The following TNS1 variants were observed in gnomAD, a reference collection of about 807,000 sequenced individuals.
TNS1 encodes the protein tensin 1.
A neutral mutation model predicts 168.6 loss-of-function variants in TNS1; 62 were observed. The ratio of observed to expected loss-of-function variants is 0.37; its 90% CI spans 0.30 to 0.45. TNS1 has a LOEUF of 0.45. Ranked by LOEUF, TNS1 falls within the 20% of genes least tolerant of loss-of-function variation. The pLI is 1.00. For synonymous variants in TNS1, 934 were observed against 933.2 expected, an observed-to-expected ratio of 1.00 and a Z score of -0.02; for missense variants, 2,240 against 2,339.4, an observed-to-expected ratio of 0.96 and a Z score of 0.88.
chr2:218,016,695 G>A (rs1958764298), intron 1 of TNS1, among the ~76,000 whole-genome samples: 1 of 152,226 alleles, frequency 6.6e-6, no homozygotes, highest in Admixed American at 6.5e-5. Context: ...GAGGACAGGA[G>A]GAAGGGAATG....
chr2:218,010,010 G>C (rs1164916504), intron 1 of TNS1: 3 of 342,850 alleles, frequency 8.8e-6, no homozygotes, highest in Non-Finnish European at 1.5e-5. Context: ...AAGTCAGATC[G>C]AATGCCCAGG....
At chr2:217,844,653 C>G (rs1437455254) in intron 19 of TNS1, among the ~76,000 whole-genome samples, 2 of 152,216 alleles carry the variant, frequency 1.3e-5, no homozygotes, top group East Asian at 3.8e-4. Flanking sequence ...CACTAGCTGA[C>G]AGCAATCGCT....
intron 4 of TNS1, among the ~76,000 whole-genome samples, chr2:217,916,939 T>C (rs1407341639): frequency 6.6e-6 from 1 of 152,158 alleles, no homozygotes; most frequent in Non-Finnish European, 1.5e-5. Context: ...GAGAGCAGCC[T>C]ACCGAGGCTG....
intron 18 of TNS1, among the ~76,000 whole-genome samples, chr2:217,862,532 C>T (rs920388324): frequency 6.6e-6 from 1 of 152,208 alleles, no homozygotes; most frequent in Admixed American, 6.5e-5. Context: ...CTTCAAGACC[C>T]CAGATTTGCC....
In TNS1 at chr2:217,948,481, A is replaced by T. The variant is rs1244479341; in HGVS notation, c.187-28245T>A. Among the ~76,000 whole-genome samples the T allele has an allele frequency of 1.3e-5, 2 of 152,050 alleles. No homozygotes were observed. The highest frequency in any genetic ancestry group is 6.5e-5 in the Admixed American group (1 of 15,276). On this transcript the variant is annotated intron_variant, in intron 3 of 32. Coordinates refer to ENST00000682258, the MANE Select transcript of TNS1 (RefSeq NM_001387777.1). The surrounding 1 kb of genome is among the most constrained non-coding windows in gnomAD (Gnocchi z 4.1). Reference sequence around the variant, plus strand: ...CACACCCCATAGGGAGCCAGGCCCCAGGGGCCACTCTAGGCATGCAATGTC... The same window carrying T: ...CACACCCCATAGGGAGCCAGGCCCCTGGGGCCACTCTAGGCATGCAATGTC...
At chr2:217,804,982 C>A (rs1274238525) in intron 32 of TNS1, among the ~76,000 whole-genome samples, 1 of 142,018 alleles carries the variant, frequency 7.0e-6, no homozygotes, top group Non-Finnish European at 1.5e-5. Flanking sequence ...ACTGTTCTTA[C>A]ACACAACACA....
chr2:217,918,665 G>C (rs2125849071), intron 4 of TNS1, among the ~76,000 whole-genome samples: 1 of 152,310 alleles, frequency 6.6e-6, no homozygotes, highest in Admixed American at 6.5e-5. Context: ...TGAACCCCCA[G>C]CCTCATAAAG....
At chr2:217,876,434 A>C (rs1305412546) in intron 18 of TNS1, among the ~76,000 whole-genome samples, 4 of 152,164 alleles carry the variant, frequency 2.6e-5, no homozygotes, top group Non-Finnish European at 5.9e-5. Context: ...CAGGCTCCAG[A>C]TCTAACTGGA....
chr2:218,003,053 C>G (rs571463950), upstream of TNS1: 197 of 405,970 alleles, frequency 4.9e-4, no homozygotes, highest in South Asian at 1.2e-3. Context: ...CTCCTCCCCC[C>G]ACTCCACCCC....
chr2:217,961,735 A>T (rs1423508814), intron 3 of TNS1, among the ~76,000 whole-genome samples: 2 of 152,210 alleles, frequency 1.3e-5, no homozygotes, highest in African/African-American at 4.8e-5. Context: ...GACATAGGAA[A>T]TGATTTCCAT....
At position 217,848,669 on chromosome 2, in the gene TNS1, C is replaced by T. The variant is rs371187251; in HGVS notation, c.1848G>A (p.Ala616=). The change falls in exon 19 of 33, where the codon GCG becomes GCA. Residue 616 remains alanine (A), a synonymous_variant. Coordinates refer to ENST00000682258, the MANE Select transcript of TNS1 (RefSeq NM_001387777.1). ...TGTCTGTCTCCCGCTCAGATGCTAA[C>T]GCCCCACCATTGACATGAACCTGGG... is the stretch of plus-strand genomic sequence containing the variant. ...VPAQVHVNGG[A]LASERETDIL... 36 of 1,614,122 alleles carry T rather than the reference C, an allele frequency of 2.2e-5. No individual in the cohort carries two copies. Among genetic ancestry groups the T allele is most frequent in the Middle Eastern group, 3.3e-4 (2 of 6,084 alleles).
At chr2:217,820,647 T>TG (rs1244425734) in intron 23 of TNS1, among the ~76,000 whole-genome samples, 6 of 152,068 alleles carry the variant, frequency 3.9e-5, no homozygotes, top group South Asian at 2.1e-4. Context: ...TCTCCCCTCC[T>TG]GGGGGCGACA....
Position 217,810,286 on chromosome 2 carries a change from G to C in TNS1, c.5066C>G (p.Pro1689Arg), listed in dbSNP as rs773821717. The C allele has an allele frequency of 3.1e-6, 5 of 1,614,178 alleles. No individual in the cohort carries two copies. The highest frequency in any genetic ancestry group is 4.2e-6 in the Non-Finnish European group (5 of 1,180,030). ...PTDESKDSSGPANSTADLLKQ... is the reference protein window; with the variant it reads ...PTDESKDSSGRANSTADLLKQ... The stretch of plus-strand genomic sequence containing the variant: ...CAGCAGGTCTGCAGTTGAGTTGGCA[G>C]GGCCGGAGCTATCTTTCGATTCATC... The change falls in exon 29 of 33, where the codon CCT becomes CGT. Residue 1689 changes from proline to arginine, a missense_variant. Coordinates refer to ENST00000682258, the MANE Select transcript of TNS1 (RefSeq NM_001387777.1).
At chr2:217,879,941 C>A (rs1480393720) in intron 18 of TNS1, among the ~76,000 whole-genome samples, 1 of 152,160 alleles carries the variant, frequency 6.6e-6, no homozygotes, top group Admixed American at 6.5e-5. Context: ...TTGAAAGGGC[C>A]ATCCTGGGTC....
At chr2:217,955,534 G>A (rs1957340890) in intron 3 of TNS1, among the ~76,000 whole-genome samples, 1 of 152,186 alleles carries the variant, frequency 6.6e-6, no homozygotes, top group African/African-American at 2.4e-5. Flanking sequence ...TCCACCACCA[G>A]TCCCTCCAAG....
In TNS1 at chr2:218,029,278, A is replaced by G. The variant is rs183542634; in HGVS notation, c.156+4542T>C. Reference sequence around the variant, plus strand: ...ACAAAGGGACATAAGAGGATGCTAGAGAATCTTCTCCCATCCCCAAGGCAT... The same window carrying G: ...ACAAAGGGACATAAGAGGATGCTAGGGAATCTTCTCCCATCCCCAAGGCAT... On this transcript the variant is annotated intron_variant, in intron 1 of 1. Coordinates refer to the TNS1 transcript ENST00000649572. Among the ~76,000 whole-genome samples the G allele has an allele frequency of 4.0e-5, 6 of 150,440 alleles. No individual in the cohort carries two copies. The East Asian group carries it at 1.2e-3, about 29-fold the overall frequency.
intron 6 of TNS1, chr2:217,903,531 C>A: frequency 6.6e-7 from 1 of 1,509,740 alleles, no homozygotes. Flanking sequence ...TGGCTCCTCT[C>A]AAGACACAGG....
Position 217,821,733 on chromosome 2 carries a change from G to C in TNS1, c.3572+7C>G. On this transcript the variant is annotated splice_region_variant and intron_variant, in intron 23 of 32. Coordinates refer to ENST00000682258, the MANE Select transcript of TNS1 (RefSeq NM_001387777.1). Reference sequence around the variant, plus strand: ...CATCCCCCACCCACTGCCCCTTCCCGGCTTACCTGTCAGCACTGAGGATGG... The same window carrying C: ...CATCCCCCACCCACTGCCCCTTCCCCGCTTACCTGTCAGCACTGAGGATGG... The C allele has an allele frequency of 7.0e-7, 1 of 1,433,630 alleles. No homozygotes were observed. Among genetic ancestry groups the C allele is most frequent in the Non-Finnish European group, 9.1e-7 (1 of 1,094,338 alleles). The allele number at this position is 1,433,630 out of a possible 1,614,324, so 88.8% of individuals were successfully genotyped here.
At chr2:217,843,732 C>T (rs937597692) in intron 19 of TNS1, among the ~76,000 whole-genome samples, 21 of 152,114 alleles carry the variant, frequency 1.4e-4, no homozygotes, top group Non-Finnish European at 1.5e-4. Context: ...TGATGACATG[C>T]TGTCCTGGTC....
Sources: gnomAD v4.1 joint callset for allele counts (sites outside exome capture counted in the v4.1 genomes callset) on GRCh38, gnomAD v4.1.1 for gene constraint, Gnocchi (gnomAD v3.1) non-coding constraint, MANE v1.5 for transcripts, NCBI Gene and HGNC (gene_info 2026-07-23, HGNC 2026-07-21) for gene names.